The following ITGB1BP1 variants were observed in gnomAD, a reference collection of about 807,000 sequenced individuals.
ITGB1BP1 encodes integrin subunit beta 1 binding protein 1, also known as integrin beta-1-binding protein 1.
Under a neutral mutation model 28.0 loss-of-function variants are expected in ITGB1BP1, and 20 were observed. The ratio of observed to expected loss-of-function variants is 0.71; its 90% CI spans 0.50 to 1.04. The LOEUF is 1.04. Ranked by LOEUF, ITGB1BP1 falls within the 50% of genes least tolerant of loss-of-function variation. ITGB1BP1 has a pLI of 0.00. For missense variants in ITGB1BP1, 228 were observed against 242.5 expected (o/e 0.94, Z 0.40); for synonymous variants, 103 against 89.5 (o/e 1.15, Z -0.85).
intron 1 of ITGB1BP1, chr2:9,419,981 T>A (rs955491507): frequency 1.3e-5 from 10 of 798,088 alleles, no homozygotes; most frequent in Non-Finnish European, 1.5e-5. Context: ...AACAAGAAAA[T>A]CTGCTTACTA....
rs1677135867 is a variant in ITGB1BP1 at position 9,405,423 on chromosome 2, A to C, written c.*1411T>G. 6.6e-6 allele frequency: 1 copy of C among 152,660 alleles called. No homozygotes were observed. Among genetic ancestry groups the C allele is most frequent in the African/African-American group, 2.4e-5 (1 of 41,462 alleles). The allele number at this position is 152,660 out of a possible 1,614,324, so 9.5% of individuals were successfully genotyped here. ...ATGATGGCTCAGAACATGTACACAG[A>C]CTAAGAGTAACTGTGTGATCTGTTA... On this transcript the variant is annotated 3_prime_UTR_variant, in exon 7 of 7. Transcript: ENST00000355346.
At chr2:9,407,085 G>A in intron 6 of ITGB1BP1, 180 bp from the exon 7 acceptor site, 2 of 618,708 alleles carry the variant, frequency 3.2e-6, no homozygotes, top group Non-Finnish European at 5.8e-6. Context: ...GGCCCTTTCT[G>A]CCCTCCTTCA....
In ITGB1BP1 at chr2:9,412,154, G is replaced by A. The variant is rs938285511; in HGVS notation, c.288+115C>T. ...CGGTGGTGATGCGGGGACTTCAGTC[G>A]AGAGCAAGCGGAGCGGCACCCAGTG... On this transcript the variant is annotated intron_variant, in intron 4 of 6. Coordinates refer to ENST00000355346, the MANE Select transcript of ITGB1BP1 (RefSeq NM_004763.5). The A allele has an allele frequency of 1.9e-5, 16 of 842,560 alleles. No individual in the cohort carries two copies. The East Asian group carries it at 3.0e-4, about 16-fold the overall frequency. 52.2% of individuals were successfully genotyped at this position (842,560 alleles called of 1,614,324 possible). A position where few individuals can be genotyped will look rare whatever the true frequency, so the allele number is the denominator to read the frequency against.
rs1000815377 is a variant in ITGB1BP1 at position 9,403,761 on chromosome 2, T to G, written c.*3073A>C. The G allele has an allele frequency of 6.3e-6, 1 of 158,366 alleles. No homozygotes were observed. Among genetic ancestry groups the G allele is most frequent in the Admixed American group, 6.3e-5 (1 of 15,880 alleles). 9.8% of individuals were successfully genotyped at this position (158,366 alleles called of 1,614,324 possible). On this transcript the variant is annotated 3_prime_UTR_variant, in exon 7 of 7. Coordinates refer to ENST00000355346, the MANE Select transcript of ITGB1BP1 (RefSeq NM_004763.5). The stretch of plus-strand genomic sequence containing the variant: ...CTGCTTCAGAAGTCCATAGCCCAGC[T>G]CTGAACTTTCTCGATAAAATGCCAT...
At chr2:9,411,785 A>G (rs540195013) in intron 4 of ITGB1BP1, among the ~76,000 whole-genome samples, 3 of 151,376 alleles carry the variant, frequency 2.0e-5, no homozygotes, top group Admixed American at 1.3e-4. Flanking sequence ...GCTCACGCCT[A>G]TAATACCAGC....
chr2:9,407,042 GTGGAACCCATACTA>G (rs1677524164), intron 6 of ITGB1BP1, 137 bp from the exon 7 acceptor site: 1 of 688,664 alleles, frequency 1.5e-6, no homozygotes, highest in Non-Finnish European at 2.6e-6. Flanking sequence ...GCCTGGGTCA[GTGGAACCCATACTA>G]TGAGCTTCCC....
chr2:9,415,272 G>A lies in ITGB1BP1; in HGVS notation c.73-1016C>T, dbSNP rs950481257. On this transcript the variant is annotated intron_variant, in intron 2 of 6. Transcript: ENST00000355346. This position sits in a 1 kb window ranked among gnomAD's most constrained non-coding sequence, Gnocchi z 4.1. ...CGGGCACTTATAATCCTAGCTACTC[G>A]GGAGGCTGAGGCAGGAGAATAGCTT... 7.2e-5 allele frequency among the ~76,000 whole-genome samples: 11 copies of A among 152,124 alleles called. No homozygotes were observed. The highest frequency in any genetic ancestry group is 2.2e-4 in the African/African-American group (9 of 41,422).
chr2:9,418,182 G>C (rs745743157), intron 2 of ITGB1BP1, among the ~76,000 whole-genome samples: 1 of 152,082 alleles, frequency 6.6e-6, no homozygotes, highest in African/African-American at 2.4e-5. Flanking sequence ...GCTCCTCAAC[G>C]GTTTGTTTTG....
chr2:9,423,569 C>G (rs183645433), upstream of ITGB1BP1: 6 of 1,121,956 alleles, frequency 5.3e-6, no homozygotes, highest in Non-Finnish European at 7.2e-6. Context: ...GGTTCCAAGA[C>G]CCCAAGTGGT....
At chr2:9,420,706 C>T (rs1381039751) in intron 1 of ITGB1BP1, among the ~76,000 whole-genome samples, 1 of 152,218 alleles carries the variant, frequency 6.6e-6, no homozygotes, top group Non-Finnish European at 1.5e-5. Flanking sequence ...CACAGAAGGC[C>T]AGGCAGGCCG....
intron 2 of ITGB1BP1, 87 bp from the exon 3 acceptor site, chr2:9,414,343 A>C (rs1358897941): frequency 1.1e-6 from 1 of 904,202 alleles, no homozygotes; most frequent in African/African-American, 1.7e-5. Context: ...ATCATTTATT[A>C]GAGTTGAGCT....
At position 9,407,688 on chromosome 2, in the gene ITGB1BP1, G is replaced by C; in HGVS notation, c.382-90C>G. On this transcript the variant is annotated intron_variant, in intron 5 of 6. Transcript: ENST00000355346. ...CACCCTCCCAGGCAGAGTGAGGCTTGAAACAGCATATCCATAGGTTTCTCA... is the reference window on the plus strand; with the variant it reads ...CACCCTCCCAGGCAGAGTGAGGCTTCAAACAGCATATCCATAGGTTTCTCA... 5 of 1,420,944 alleles carry C rather than the reference G, an allele frequency of 3.5e-6. 1 individual carries two copies. The South Asian group carries it at 5.0e-5, about 14-fold the overall frequency. The allele number at this position is 1,420,944 out of a possible 1,614,324, so 88.0% of individuals were successfully genotyped here. A position where few individuals can be genotyped will look rare whatever the true frequency, so the allele number is the denominator to read the frequency against.
chr2:9,407,725 G>T, intron 5 of ITGB1BP1, 127 bp from the exon 6 acceptor site: 1 of 1,004,444 alleles, frequency 1.0e-6, no homozygotes, highest in Non-Finnish European at 1.5e-6. Context: ...CCCAAGGGAT[G>T]TCCTGTATGC....
At chr2:9,417,454 C>T (rs1285423603) in intron 2 of ITGB1BP1, among the ~76,000 whole-genome samples, 2 of 151,774 alleles carry the variant, frequency 1.3e-5, no homozygotes, top group Non-Finnish European at 2.9e-5. Flanking sequence ...GAATCTTGCT[C>T]TGTCACCCAG....
In ITGB1BP1 at chr2:9,405,211, C is replaced by G. The variant is rs901380335; in HGVS notation, c.*1623G>C. ...TGTGCAGTAACTAATAGTACTCTTACCAGAGGAGAAATTATATTAACGACC... is the reference window on the plus strand; with the variant it reads ...TGTGCAGTAACTAATAGTACTCTTAGCAGAGGAGAAATTATATTAACGACC... On this transcript the variant is annotated 3_prime_UTR_variant, in exon 7 of 7. Transcript: ENST00000355346. The G allele has an allele frequency of 3.9e-5, 6 of 152,120 alleles. No individual in the cohort carries two copies. Among genetic ancestry groups the G allele is most frequent in the Non-Finnish European group, 7.4e-5 (5 of 68,018 alleles). 9.4% of individuals were successfully genotyped at this position (152,120 alleles called of 1,614,324 possible). A position where few individuals can be genotyped will look rare whatever the true frequency, so the allele number is the denominator to read the frequency against.
At chr2:9,414,330 C>A (rs1044550452) in intron 2 of ITGB1BP1, 74 bp from the exon 3 acceptor site, 33 of 1,086,834 alleles carry the variant, frequency 3.0e-5, no homozygotes, top group Non-Finnish European at 4.5e-5. Flanking sequence ...CTAACCCATT[C>A]ACATCATTTA....
intron 4 of ITGB1BP1, among the ~76,000 whole-genome samples, chr2:9,410,986 C>A (rs1007422862): frequency 2.6e-5 from 4 of 152,142 alleles, no homozygotes; most frequent in African/African-American, 9.7e-5. Context: ...TCTTTTAATG[C>A]GCACATAAAA....
rs137926964 is a variant in ITGB1BP1 at position 9,409,716 on chromosome 2, C to T, written c.289-1511G>A. On this transcript the variant is annotated intron_variant, in intron 4 of 6. Transcript: ENST00000355346. ...AAACGAGTTACTTGGAGGAACTAAT[C>T]TAGGTGGTTTTCCAAGAACCAATCA... Among the ~76,000 whole-genome samples, 400 of 152,050 alleles carry T rather than the reference C, an allele frequency of 2.6e-3. 2 individuals carry two copies. Among genetic ancestry groups the T allele is most frequent in the African/African-American group, 9.3e-3 (386 of 41,486 alleles).
intron 4 of ITGB1BP1, among the ~76,000 whole-genome samples, chr2:9,411,171 C>T (rs1224355898): frequency 6.6e-6 from 1 of 151,936 alleles, no homozygotes; most frequent in East Asian, 1.9e-4. Flanking sequence ...CTTAATTTTC[C>T]TTCATGATGA....
Sources: allele counts gnomAD v4.1 joint callset (sites outside exome capture counted in the v4.1 genomes callset), GRCh38; gene constraint gnomAD v4.1.1; non-coding constraint Gnocchi (gnomAD v3.1); transcripts MANE v1.5; gene names NCBI Gene and HGNC (gene_info 2026-07-23, HGNC 2026-07-21).